CREB5: variants seen among roughly 807,000 people sequenced by gnomAD.
CREB5 encodes cAMP responsive element binding protein 5.
In CREB5, 19 loss-of-function variants were observed where a neutral mutation model predicts 57.1. The observed-to-expected ratio is 0.33, with a 90% confidence interval of 0.23 to 0.49. The LOEUF (loss-of-function observed/expected upper bound fraction) is 0.49, where lower values mean the gene tolerates loss of function less well. CREB5 is among the 20% of genes least tolerant of loss of function. The probability of loss-of-function intolerance (pLI) is 0.99; values close to 1 mark genes in which losing one functional copy is unlikely to be tolerated. For synonymous variants in CREB5, 238 were observed against 238.3 expected, an observed-to-expected ratio of 1.00 and a Z score of 0.01; for missense variants, 579 against 671.6, an observed-to-expected ratio of 0.86 and a Z score of 1.52.
In CREB5 at chr7:28,385,194, T is replaced by TA. The variant is rs564541690; in HGVS notation, c.-25+85756dup. 3.3e-3 allele frequency among the ~76,000 whole-genome samples: 506 copies of TA among 152,306 alleles called. 2 individuals carry two copies. Among genetic ancestry groups the TA allele is most frequent in the Non-Finnish European group, 6.1e-3 (415 of 68,024 alleles). The stretch of plus-strand genomic sequence containing the variant: ...AAGTATGTATTAACCAGTTGAAAGA[T>TA]AAAGAGTATTGATGTCCTCTGAAAA... On this transcript the variant is annotated intron_variant, in intron 1 of 9. Transcript: ENST00000396299.
At chr7:28,370,625 A>T (rs1006605460) in intron 1 of CREB5, among the ~76,000 whole-genome samples, 1 of 152,216 alleles carries the variant, frequency 6.6e-6, no homozygotes, top group African/African-American at 2.4e-5. Flanking sequence ...AATAATAAAT[A>T]AGGTAGAAGC....
intron 9 of CREB5, among the ~76,000 whole-genome samples, chr7:28,817,404 G>A (rs982863615): frequency 1.3e-5 from 2 of 152,180 alleles, no homozygotes; most frequent in African/African-American, 4.8e-5. Context: ...ATTCATGACT[G>A]AAGGTCAATT....
intron 9 of CREB5, among the ~76,000 whole-genome samples, chr7:28,812,783 C>G (rs751091721): frequency 1.9e-4 from 29 of 152,156 alleles, no homozygotes; most frequent in South Asian, 8.3e-4. Flanking sequence ...GGACCTTTGT[C>G]AAAAGAAAAA....
intron 1 of CREB5, among the ~76,000 whole-genome samples, chr7:28,436,634 G>A (rs1340456452): frequency 2.0e-5 from 3 of 152,056 alleles, no homozygotes; most frequent in African/African-American, 7.2e-5. Context: ...GTAATTAGAT[G>A]CAATTGTCAT....
At chr7:28,635,851 TG>T (rs1213295900) in intron 5 of CREB5, among the ~76,000 whole-genome samples, 1 of 152,226 alleles carries the variant, frequency 6.6e-6, no homozygotes, top group Non-Finnish European at 1.5e-5. Flanking sequence ...CCCAAACTCC[TG>T]GCAGCCTACC....
At chr7:28,743,707 G>T (rs967586898) in intron 7 of CREB5, among the ~76,000 whole-genome samples, 1 of 152,006 alleles carries the variant, frequency 6.6e-6, no homozygotes, top group Non-Finnish European at 1.5e-5. Context: ...TCAGTGGGGT[G>T]ATTCCTCCAG....
chr7:28,621,578 A>G (rs1245989212), intron 5 of CREB5, among the ~76,000 whole-genome samples: 1 of 152,162 alleles, frequency 6.6e-6, no homozygotes, highest in Non-Finnish European at 1.5e-5. Context: ...TTTGTTTTAC[A>G]CAGCCAGTAT....
At chr7:28,560,857 TGCGTGTGCCTGCGTGCGCGTGCGTGC>T (rs1795110175) in intron 4 of CREB5, among the ~76,000 whole-genome samples, 6 of 51,018 alleles carry the variant, frequency 1.2e-4, no homozygotes, top group African/African-American at 3.7e-4. Flanking sequence ...CGTGTGTGTG[TGCGTGTGCCTGCGTGCGCGTGCGTGC>T]GTGCGTGTGT....
chr7:28,437,409 C>T (rs868086006), intron 1 of CREB5, among the ~76,000 whole-genome samples: 1 of 152,086 alleles, frequency 6.6e-6, no homozygotes, highest in Non-Finnish European at 1.5e-5. Flanking sequence ...TAGAAACTTG[C>T]CAAGAGAGAT....
chr7:28,435,520 G>C (rs751867951), intron 1 of CREB5: 2 of 478,128 alleles, frequency 4.2e-6, no homozygotes, highest in African/African-American at 4.2e-5. Flanking sequence ...ATATGAATGA[G>C]GGCCATATAA....
intron 4 of CREB5, among the ~76,000 whole-genome samples, chr7:28,514,354 A>G (rs1249937536): frequency 1.3e-5 from 2 of 152,048 alleles, no homozygotes; most frequent in African/African-American, 4.8e-5. Context: ...TGAGTTCAGT[A>G]TTAATTATTT....
At chr7:28,599,211 T>C (rs1042591521) in intron 5 of CREB5, among the ~76,000 whole-genome samples, 8 of 152,048 alleles carry the variant, frequency 5.3e-5, no homozygotes, top group Non-Finnish European at 5.9e-5. Context: ...TGATTTGACA[T>C]ATATACAGGA....
intron 2 of CREB5, among the ~76,000 whole-genome samples, chr7:28,493,242 T>C (rs2128597629): frequency 6.6e-6 from 1 of 152,352 alleles, no homozygotes; most frequent in East Asian, 1.9e-4. Context: ...TCTAAATTGT[T>C]GAAGATTTGG....
In CREB5 at chr7:28,502,245, G is replaced by A. The variant is rs534078022; in HGVS notation, c.170-5371G>A. Among the ~76,000 whole-genome samples the A allele has an allele frequency of 2.8e-4, 43 of 152,196 alleles. No individual in the cohort carries two copies. In the South Asian group the frequency reaches 7.9e-3, roughly 28 times the overall value. ...ATTCTGTGTGTTGTGATTGATTATC[G>A]ATCTTACAAATGATTATGTGTATTA... On this transcript the variant is annotated intron_variant, in intron 3 of 10. Transcript: ENST00000357727.
intron 1 of CREB5, among the ~76,000 whole-genome samples, chr7:28,431,794 A>T (rs1788722507): frequency 6.6e-6 from 1 of 152,100 alleles, no homozygotes; most frequent in Admixed American, 6.5e-5. Context: ...GAGCTGTGCC[A>T]TGGTTTAGAA....
At chr7:28,614,919 A>G (rs1396039216) in intron 5 of CREB5, among the ~76,000 whole-genome samples, 1 of 152,222 alleles carries the variant, frequency 6.6e-6, no homozygotes, top group Non-Finnish European at 1.5e-5. Context: ...ATGGCTATAT[A>G]AAAGATAAGT....
intron 4 of CREB5, among the ~76,000 whole-genome samples, chr7:28,570,160 T>G (rs1795638563): frequency 6.6e-6 from 1 of 152,228 alleles, no homozygotes; most frequent in Admixed American, 6.5e-5. Context: ...TTTTCTCACA[T>G]GCTTTACTCT....
At chr7:28,449,406 G>T (rs1426933121) in intron 1 of CREB5, among the ~76,000 whole-genome samples, 1 of 152,078 alleles carries the variant, frequency 6.6e-6, no homozygotes, top group Non-Finnish European at 1.5e-5. Flanking sequence ...TTCGCTATTG[G>T]CTGTACACTT....
At chr7:28,560,955 T>TGCGTGCGC (rs1562798093) in intron 4 of CREB5, among the ~76,000 whole-genome samples, 3 of 22,146 alleles carry the variant, frequency 1.4e-4, no homozygotes, top group Non-Finnish European at 1.8e-4. Context: ...TGTGTGCGTG[T>TGCGTGCGC]GTGTGCGTGT....
Sources: allele counts gnomAD v4.1 joint callset (sites outside exome capture counted in the v4.1 genomes callset), GRCh38; gene constraint gnomAD v4.1.1; transcripts MANE v1.5; gene names NCBI Gene and HGNC (gene_info 2026-07-23, HGNC 2026-07-21).